The following SPAG17 variants were observed in gnomAD, a reference collection of about 807,000 sequenced individuals.
SPAG17 encodes sperm-associated antigen 17.
A neutral mutation model predicts 273.6 loss-of-function variants in SPAG17; 169 were observed. The ratio of observed to expected loss-of-function variants is 0.62; its 90% confidence interval spans 0.55 to 0.70. SPAG17 has a LOEUF of 0.70. Ranked by LOEUF, SPAG17 falls within the 30% of genes least tolerant of loss-of-function variation. The pLI, the probability that SPAG17 is intolerant of heterozygous loss-of-function variation, is 0.00. For synonymous variants in SPAG17, 825 were observed against 873.2 expected (o/e 0.94, Z 0.97); for missense variants, 2,557 against 2,627.8 (o/e 0.97, Z 0.59).
chr1:118,001,950 A>C (rs191183052), intron 32 of SPAG17, among the ~76,000 whole-genome samples: 2 of 152,110 alleles, frequency 1.3e-5, no homozygotes, highest in Admixed American at 6.6e-5. Flanking sequence ...GCTTTCTCTC[A>C]TGGGCATTTA....
chr1:117,956,589 T>C (rs140819163), intron 48 of SPAG17, among the ~76,000 whole-genome samples: 98 of 152,326 alleles, frequency 6.4e-4, no homozygotes, highest in African/African-American at 2.2e-3. Context: ...CCTCTTAAGA[T>C]TTTAAATTGG....
At chr1:118,065,172 G>T (rs1014519108) in intron 18 of SPAG17, among the ~76,000 whole-genome samples, 2 of 151,758 alleles carry the variant, frequency 1.3e-5, no homozygotes, top group African/African-American at 4.8e-5. Context: ...AAAGGTAAAA[G>T]AATATTTTAA....
At chr1:118,106,722 G>T (rs1462665185) in intron 4 of SPAG17, among the ~76,000 whole-genome samples, 2 of 152,158 alleles carry the variant, frequency 1.3e-5, no homozygotes, top group Non-Finnish European at 2.9e-5. Context: ...TTATTTTAAA[G>T]TTTACCTGGA....
intron 3 of SPAG17, among the ~76,000 whole-genome samples, chr1:118,131,940 T>A (rs1658075375): frequency 6.6e-6 from 1 of 152,228 alleles, no homozygotes; most frequent in Non-Finnish European, 1.5e-5. Context: ...CATTAATTCA[T>A]CAAACTTTTA....
At chr1:117,992,015 A>G (rs186107034) in intron 36 of SPAG17, among the ~76,000 whole-genome samples, 60 of 152,340 alleles carry the variant, frequency 3.9e-4, no homozygotes, top group African/African-American at 1.4e-3. Context: ...ACCATAAACA[A>G]AACACATATA....
At chr1:118,097,647 C>T in intron 7 of SPAG17, 23 bp downstream of exon 7, 2 of 1,532,618 alleles carry the variant, frequency 1.3e-6, no homozygotes, top group Non-Finnish European at 1.7e-6. Flanking sequence ...AAACCATGCA[C>T]TCTCAGTAAT....
At position 117,954,476 on chromosome 1, in the gene SPAG17, T is replaced by C. The variant is rs575730940; in HGVS notation, c.*1-427A>G. 5 of 1,174,936 alleles carry C rather than the reference T, an allele frequency of 4.3e-6. No homozygotes were observed. In the South Asian group the frequency reaches 7.3e-5, roughly 17 times the overall value. The allele number at this position is 1,174,936 out of a possible 1,614,324, so 72.8% of individuals were successfully genotyped here. A position where few individuals can be genotyped will look rare whatever the true frequency, so the allele number is the denominator to read the frequency against. On this transcript the variant is annotated intron_variant, in intron 48 of 48. Coordinates refer to ENST00000336338, the MANE Select transcript of SPAG17 (RefSeq NM_206996.4). ...CTCTGTCAGTTTTTTAGGGTCTCTT[T>C]TTTCCCTTTTCAAAATTATAAAATA...
intron 18 of SPAG17, among the ~76,000 whole-genome samples, chr1:118,066,436 A>C (rs1349602888): frequency 6.6e-6 from 1 of 152,192 alleles, no homozygotes; most frequent in Non-Finnish European, 1.5e-5. Context: ...TCCTACTTGA[A>C]ATCTTTTGGA....
chr1:118,023,265 T>C, intron 28 of SPAG17, 39 bp downstream of exon 28: 1 of 1,554,708 alleles, frequency 6.4e-7, no homozygotes, highest in Non-Finnish European at 8.7e-7. Flanking sequence ...TTGAAGGCTT[T>C]ACTAAATCCA....
intron 25 of SPAG17, among the ~76,000 whole-genome samples, chr1:118,028,724 T>G (rs1648071221): frequency 6.6e-6 from 1 of 152,154 alleles, no homozygotes; most frequent in East Asian, 1.9e-4. Flanking sequence ...TGTTTGGATA[T>G]GTAGGCATAA....
intron 26 of SPAG17, among the ~76,000 whole-genome samples, chr1:118,027,288 G>A (rs893456666): frequency 6.6e-6 from 1 of 152,186 alleles, no homozygotes; most frequent in Non-Finnish European, 1.5e-5. Context: ...AATGCCTAAG[G>A]AGAAGCGAAA....
chr1:118,145,299 C>T (rs896507871), intron 3 of SPAG17, among the ~76,000 whole-genome samples: 10 of 152,154 alleles, frequency 6.6e-5, no homozygotes, highest in Non-Finnish European at 1.3e-4. Flanking sequence ...AAATGAGTTT[C>T]ATATCAGGAA....
intron 3 of SPAG17, among the ~76,000 whole-genome samples, chr1:118,146,561 A>T (rs953383010): frequency 6.6e-6 from 1 of 152,202 alleles, no homozygotes; most frequent in Non-Finnish European, 1.5e-5. Flanking sequence ...ATTATACCAT[A>T]TAACTACAAA....
chr1:117,956,052 A>G (rs1316196002), intron 48 of SPAG17, among the ~76,000 whole-genome samples: 2 of 152,142 alleles, frequency 1.3e-5, no homozygotes, highest in Admixed American at 6.5e-5. Context: ...CCAAAAGGTA[A>G]TATTTTATTA....
At chr1:118,178,314 C>T (rs1660789001) in intron 1 of SPAG17, among the ~76,000 whole-genome samples, 1 of 152,182 alleles carries the variant, frequency 6.6e-6, no homozygotes. Flanking sequence ...AAACATGATA[C>T]ATTGTATGAA....
intron 15 of SPAG17, among the ~76,000 whole-genome samples, chr1:118,075,533 G>A (rs1348136572): frequency 2.0e-5 from 3 of 152,224 alleles, no homozygotes; most frequent in South Asian, 2.1e-4. Context: ...TTGAGAAATG[G>A]ATAATGTATA....
chr1:118,141,340 A>G (rs1027856016), intron 3 of SPAG17, among the ~76,000 whole-genome samples: 15 of 152,200 alleles, frequency 9.9e-5, no homozygotes, highest in Admixed American at 3.3e-4. Flanking sequence ...GCTATGTACC[A>G]CCTGTACTAT....
intron 39 of SPAG17, 30 bp downstream of exon 39, chr1:117,988,075 T>C (rs1383721968): frequency 3.2e-6 from 5 of 1,554,660 alleles, no homozygotes; most frequent in Non-Finnish European, 4.4e-6. Context: ...TACCTAATAC[T>C]AATTAGAACA....
At chr1:117,995,631 G>T (rs1390344538) in intron 34 of SPAG17, among the ~76,000 whole-genome samples, 1 of 151,174 alleles carries the variant, frequency 6.6e-6, no homozygotes, top group Non-Finnish European at 1.5e-5. Context: ...TAAGGGCACA[G>T]AAATGCAGGC....
Sources: allele counts gnomAD v4.1 joint callset (sites outside exome capture counted in the v4.1 genomes callset), GRCh38; gene constraint gnomAD v4.1.1; transcripts MANE v1.5; gene names NCBI Gene and HGNC (gene_info 2026-07-23, HGNC 2026-07-21).